The following RAB11FIP4 variants were observed in gnomAD, a reference collection of about 807,000 sequenced individuals.
RAB11FIP4 encodes the protein RAB11 family interacting protein 4, also known as rab11 family-interacting protein 4.
RAB11FIP4 carries 23 observed loss-of-function variants against 74.3 expected under a neutral mutation model. The ratio of observed to expected loss-of-function variants is 0.31; its 90% CI spans 0.22 to 0.44. RAB11FIP4 has a LOEUF of 0.44. RAB11FIP4 is among the 20% of genes least tolerant of loss of function. RAB11FIP4 has a pLI of 1.00. For synonymous variants in RAB11FIP4, 360 were observed against 359.9 expected, an observed-to-expected ratio of 1.00 and a Z score of 0.00; for missense variants, 630 against 863.9, an observed-to-expected ratio of 0.73 and a Z score of 3.39.
At chr17:31,505,558 AATT>A (rs1373264804) in intron 3 of RAB11FIP4, among the ~76,000 whole-genome samples, 3 of 73,798 alleles carry the variant, frequency 4.1e-5, no homozygotes, top group African/African-American at 5.4e-5. Context: ...ATATAATAAT[AATT>A]ATAATATATA....
At chr17:31,504,314 G>A (rs962381771) in intron 3 of RAB11FIP4, among the ~76,000 whole-genome samples, 2 of 151,836 alleles carry the variant, frequency 1.3e-5, no homozygotes, top group African/African-American at 2.4e-5. Context: ...TGTATTTTTA[G>A]TAGAGATGGG....
chr17:31,478,274 T>C (rs1294749506), intron 3 of RAB11FIP4, among the ~76,000 whole-genome samples: 1 of 152,204 alleles, frequency 6.6e-6, no homozygotes, highest in Non-Finnish European at 1.5e-5. Context: ...ATTACAGGCA[T>C]GAGCCACCGT....
At chr17:31,478,676 AG>A (rs2071818648) in intron 3 of RAB11FIP4, among the ~76,000 whole-genome samples, 1 of 152,184 alleles carries the variant, frequency 6.6e-6, no homozygotes, top group Admixed American at 6.5e-5. Flanking sequence ...ATCTGGTAGC[AG>A]CCAGGGAAAT....
chr17:31,524,254 C>T (rs763691853), intron 9 of RAB11FIP4: 6 of 460,854 alleles, frequency 1.3e-5, no homozygotes, highest in Non-Finnish European at 2.0e-5. Context: ...AGCCACAGGG[C>T]TGGTCCAAGA....
At chr17:31,414,556 C>T (rs1029804894) in intron 1 of RAB11FIP4, among the ~76,000 whole-genome samples, 4 of 152,216 alleles carry the variant, frequency 2.6e-5, no homozygotes, top group African/African-American at 9.6e-5. Flanking sequence ...GAATGAGGGG[C>T]CACCTGATGA....
At chr17:31,393,354 C>G (rs2070895282) in intron 1 of RAB11FIP4, among the ~76,000 whole-genome samples, 1 of 152,232 alleles carries the variant, frequency 6.6e-6, no homozygotes, top group African/African-American at 2.4e-5. Flanking sequence ...TGAGCAGACT[C>G]CTGGCATGGG....
At chr17:31,526,362 G>A (rs2072767074) in intron 10 of RAB11FIP4, 1 of 152,240 alleles carries the variant, frequency 6.6e-6, no homozygotes, top group Admixed American at 6.5e-5. Flanking sequence ...AGCTCCGGGG[G>A]CGCCATTCGT....
intron 3 of RAB11FIP4, among the ~76,000 whole-genome samples, chr17:31,459,845 T>C (rs1201392695): frequency 6.6e-6 from 1 of 150,570 alleles, no homozygotes; most frequent in Non-Finnish European, 1.5e-5. Context: ...GGGGCTCCTC[T>C]GTTGTTCTGG....
intron 1 of RAB11FIP4, among the ~76,000 whole-genome samples, chr17:31,419,767 G>A (rs1237991212): frequency 6.6e-6 from 1 of 152,012 alleles, no homozygotes; most frequent in Non-Finnish European, 1.5e-5. Context: ...AGCCAGGATG[G>A]TCTCGATCTC....
At chr17:31,422,518 A>G (rs921508372) in intron 1 of RAB11FIP4, among the ~76,000 whole-genome samples, 1 of 151,282 alleles carries the variant, frequency 6.6e-6, no homozygotes, top group African/African-American at 2.4e-5. Flanking sequence ...TGTATTTTGA[A>G]GCTCTGTTTT....
At chr17:31,506,269 A>G (rs902691723) in intron 3 of RAB11FIP4, among the ~76,000 whole-genome samples, 1 of 152,170 alleles carries the variant, frequency 6.6e-6, no homozygotes, top group African/African-American at 2.4e-5. Context: ...TTTTTAATTG[A>G]CATACAATTG....
In RAB11FIP4 at chr17:31,513,107, T is replaced by G. The variant is rs969585737; in HGVS notation, c.337-4544T>G. 3.6e-4 allele frequency among the ~76,000 whole-genome samples: 55 copies of G among 152,050 alleles called. 1 individual carries two copies. Among genetic ancestry groups the G allele is most frequent in the African/African-American group, 1.2e-3 (51 of 41,484 alleles). On this transcript the variant is annotated intron_variant, in intron 3 of 14. Transcript: ENST00000621161. ...TCCTGACGAGCATAGTGCGGTGAGG[T>G]GGGGTGATGGTATCCTCTCCCATGA...
At chr17:31,497,374 CAA>C (rs151121427) in intron 3 of RAB11FIP4, among the ~76,000 whole-genome samples, 1 of 147,938 alleles carries the variant, frequency 6.8e-6, no homozygotes, top group African/African-American at 2.5e-5. Flanking sequence ...AAAAACAAAA[CAA>C]AAAAAAAACT....
intron 1 of RAB11FIP4, among the ~76,000 whole-genome samples, chr17:31,428,257 C>G (rs1433779870): frequency 6.6e-6 from 1 of 152,338 alleles, no homozygotes; most frequent in East Asian, 1.9e-4. Flanking sequence ...CAGACCCCTG[C>G]TGCAGCTGCC....
In RAB11FIP4 at chr17:31,402,598, T is replaced by TTTTTTTTATTTA. The variant is rs1555541191; in HGVS notation, c.159+10590_159+10591insTTTTATTTATTT. On this transcript the variant is annotated intron_variant, in intron 1 of 14. Transcript: ENST00000621161. Reference sequence around the variant, plus strand: ...TGAAGGCTCAGATTATTTTATTTATTTTTATTTATTTATTTATTTATTTAT... The same window carrying TTTTTTTTATTTA: ...TGAAGGCTCAGATTATTTTATTTATTTTTTTTTATTTATTTATTTATTTATTTATTTATTTAT... Among the ~76,000 whole-genome samples the TTTTTTTTATTTA allele has an allele frequency of 2.0e-4, 29 of 142,804 alleles. 1 individual carries two copies. The highest frequency in any genetic ancestry group is 5.7e-4 in the African/African-American group (22 of 38,318). The allele number at this position is 142,804 out of a possible 152,430, so 93.7% of individuals were successfully genotyped here.
intron 3 of RAB11FIP4, among the ~76,000 whole-genome samples, chr17:31,516,685 A>G (rs549340959): frequency 9.7e-4 from 148 of 152,244 alleles, no homozygotes; most frequent in African/African-American, 2.9e-3. Context: ...AGCCAGGGTG[A>G]TCTTGATCTC....
At chr17:31,412,315 CAG>C (rs2071105779) in intron 1 of RAB11FIP4, among the ~76,000 whole-genome samples, 1 of 152,190 alleles carries the variant, frequency 6.6e-6, no homozygotes, top group African/African-American at 2.4e-5. Context: ...GTCCAGCAAA[CAG>C]AGGGAGGAAA....
At position 31,507,257 on chromosome 17, in the gene RAB11FIP4, C is replaced by T. The variant is rs142568811; in HGVS notation, c.337-10394C>T. On this transcript the variant is annotated intron_variant, in intron 3 of 14. Coordinates refer to ENST00000621161, the MANE Select transcript of RAB11FIP4 (RefSeq NM_032932.6). The stretch of plus-strand genomic sequence containing the variant: ...TCGTGCTATTGCACTCCAGCCTGGG[C>T]GACAGGGTGAGACTCCATCTCAAAA... Among the ~76,000 whole-genome samples, 903 of 152,066 alleles carry T rather than the reference C, an allele frequency of 5.9e-3. 11 individuals carry two copies. The highest frequency in any genetic ancestry group is 0.02 in the African/African-American group (833 of 41,480).
rs1251663838 is a variant in RAB11FIP4, at chr17:31,523,508, G to T, written c.930-4G>T. 6.2e-7 allele frequency: 1 copy of T among 1,613,556 alleles called. No homozygotes were observed. The highest frequency in any genetic ancestry group is 8.5e-7 in the Non-Finnish European group (1 of 1,179,572). On this transcript the variant is annotated splice_polypyrimidine_tract_variant and splice_region_variant and intron_variant, in intron 7 of 14. Coordinates refer to ENST00000621161, the MANE Select transcript of RAB11FIP4 (RefSeq NM_032932.6). Reference sequence around the variant, plus strand: ...AGCCAGACACCCTCCTCCCACCCCTGCAGGCAGCTCATGCACAGCAGCAAC... The same window carrying T: ...AGCCAGACACCCTCCTCCCACCCCTTCAGGCAGCTCATGCACAGCAGCAAC...
Sources: allele counts gnomAD v4.1 joint callset (sites outside exome capture counted in the v4.1 genomes callset), GRCh38; gene constraint gnomAD v4.1.1; transcripts MANE v1.5; gene names NCBI Gene and HGNC (gene_info 2026-07-23, HGNC 2026-07-21).